NKAIN2: variants seen among roughly 807,000 people sequenced by gnomAD.
The protein encoded by NKAIN2 is sodium/potassium transporting ATPase interacting 2.
Under a neutral mutation model 32.6 loss-of-function variants are expected in NKAIN2, and 14 were observed. That is an observed-to-expected ratio of 0.43 (90% CI 0.28 to 0.67). NKAIN2 has a LOEUF of 0.67. Ranked by LOEUF, NKAIN2 falls within the 30% of genes least tolerant of loss-of-function variation. NKAIN2 has a pLI of 0.17. For synonymous variants in NKAIN2, 80 were observed against 87.2 expected (o/e 0.92, Z 0.46); for missense variants, 198 against 258.3 (o/e 0.77, Z 1.60).
chr6:124,565,280 A>C (rs992802511), intron 3 of NKAIN2, among the ~76,000 whole-genome samples: 1 of 152,232 alleles, frequency 6.6e-6, no homozygotes, highest in African/African-American at 2.4e-5. Context: ...GACAACAACC[A>C]CAATGTCAGT....
intron 2 of NKAIN2, among the ~76,000 whole-genome samples, chr6:124,303,702 A>G (rs2114982943): frequency 6.6e-6 from 1 of 152,340 alleles, no homozygotes; most frequent in Non-Finnish European, 1.5e-5. Flanking sequence ...AAGTTATATG[A>G]TCAGATATAA....
chr6:124,488,769 A>G (rs1024560280), intron 3 of NKAIN2, among the ~76,000 whole-genome samples: 5 of 151,988 alleles, frequency 3.3e-5, no homozygotes, highest in South Asian at 4.1e-4. Flanking sequence ...TAATAAAGCT[A>G]TCATCTTCTT....
chr6:124,676,134 CTA>C (rs1467286504), intron 4 of NKAIN2, among the ~76,000 whole-genome samples: 1 of 151,960 alleles, frequency 6.6e-6, no homozygotes, highest in Admixed American at 6.6e-5. Flanking sequence ...ATGAATTCTC[CTA>C]TGTTTCTTTT....
chr6:124,337,674 C>T (rs1317394363), intron 2 of NKAIN2, among the ~76,000 whole-genome samples: 1 of 152,166 alleles, frequency 6.6e-6, no homozygotes, highest in African/African-American at 2.4e-5. Flanking sequence ...CAGAAGCTCC[C>T]TATAGGTGAC....
intron 3 of NKAIN2, among the ~76,000 whole-genome samples, chr6:124,556,768 T>G (rs1446439049): frequency 2.0e-5 from 3 of 152,310 alleles, no homozygotes; most frequent in South Asian, 4.1e-4. Flanking sequence ...AAACTGAAAT[T>G]TATGTGGTTT....
At chr6:124,247,501 T>A (rs1793471998) in intron 1 of NKAIN2, among the ~76,000 whole-genome samples, 1 of 152,102 alleles carries the variant, frequency 6.6e-6, no homozygotes, top group African/African-American at 2.4e-5. Flanking sequence ...AGTCCTCAGA[T>A]CTATATGATA....
intron 1 of NKAIN2, among the ~76,000 whole-genome samples, chr6:124,238,346 A>G (rs971552046): frequency 2.0e-5 from 3 of 152,146 alleles, no homozygotes; most frequent in Non-Finnish European, 4.4e-5. Flanking sequence ...CATGAAAGCT[A>G]TTTTAATAAA....
intron 3 of NKAIN2, among the ~76,000 whole-genome samples, chr6:124,412,340 A>C (rs1774233894): frequency 6.6e-6 from 1 of 152,126 alleles, no homozygotes; most frequent in Non-Finnish European, 1.5e-5. Flanking sequence ...ATGGTGACGT[A>C]CAGATGGGTT....
intron 2 of NKAIN2, among the ~76,000 whole-genome samples, chr6:124,296,551 A>C (rs1796063737): frequency 6.6e-6 from 1 of 152,170 alleles, no homozygotes; most frequent in Non-Finnish European, 1.5e-5. Flanking sequence ...AGGTATGTAA[A>C]ACTTATATAC....
At chr6:123,922,890 A>G (rs1229592962) in intron 1 of NKAIN2, among the ~76,000 whole-genome samples, 1 of 152,204 alleles carries the variant, frequency 6.6e-6, no homozygotes, top group Non-Finnish European at 1.5e-5. Context: ...CTGTGCTGTC[A>G]TTAGAACTCA....
intron 3 of NKAIN2, among the ~76,000 whole-genome samples, chr6:124,490,217 C>T (rs969147582): frequency 6.6e-6 from 1 of 151,600 alleles, no homozygotes; most frequent in Non-Finnish European, 1.5e-5. Flanking sequence ...TTCCTTGAAA[C>T]ATTCAGGAAA....
At position 124,255,339 on chromosome 6, in the gene NKAIN2, T is replaced by C. The variant is rs866812355; in HGVS notation, c.55-27666T>C. The stretch of plus-strand genomic sequence containing the variant: ...GTGCTCATATACCAGAATTTGTGAA[T>C]CTTTCATATTCTGCTAAGAATAAAA... On this transcript the variant is annotated intron_variant, in intron 1 of 6. Coordinates refer to ENST00000368417, the MANE Select transcript of NKAIN2 (RefSeq NM_001040214.3). Among the ~76,000 whole-genome samples, 10 of 152,326 alleles carry C rather than the reference T, an allele frequency of 6.6e-5. No homozygotes were observed. The South Asian group carries it at 1.0e-3, about 16-fold the overall frequency.
At chr6:124,141,480 C>T (rs1350483842) in intron 1 of NKAIN2, among the ~76,000 whole-genome samples, 1 of 151,700 alleles carries the variant, frequency 6.6e-6, no homozygotes, top group Non-Finnish European at 1.5e-5. Context: ...CGTTTTTCCT[C>T]TGTGGAGGAA....
chr6:124,452,704 G>A (rs1017947976), intron 3 of NKAIN2, among the ~76,000 whole-genome samples: 2 of 152,058 alleles, frequency 1.3e-5, no homozygotes, highest in African/African-American at 4.8e-5. Flanking sequence ...ATTTATGTTG[G>A]TCAAGTTCAT....
chr6:124,781,851 C>T (rs1021054560), intron 4 of NKAIN2, among the ~76,000 whole-genome samples: 53 of 152,186 alleles, frequency 3.5e-4, no homozygotes, highest in African/African-American at 1.3e-3. Flanking sequence ...TTTTAAGTGA[C>T]ACTTCGATTC....
intron 1 of NKAIN2, among the ~76,000 whole-genome samples, chr6:123,907,862 C>G (rs1341625149): frequency 3.2e-4 from 49 of 152,134 alleles, no homozygotes; most frequent in Admixed American, 3.2e-3. Flanking sequence ...AACACAGCTA[C>G]ATATGTTTGT....
At chr6:123,938,048 G>A (rs919822036) in intron 1 of NKAIN2, among the ~76,000 whole-genome samples, 6 of 85,454 alleles carry the variant, frequency 7.0e-5, no homozygotes, top group African/African-American at 1.5e-4. Context: ...TTGCTGAACC[G>A]CTGATAGCAG....
chr6:124,716,325 G>A (rs1775753152), intron 4 of NKAIN2, among the ~76,000 whole-genome samples: 1 of 152,114 alleles, frequency 6.6e-6, no homozygotes, highest in African/African-American at 2.4e-5. Context: ...CCCTCTATGG[G>A]AACACCCATG....
chr6:124,308,692 C>T (rs527585754), intron 2 of NKAIN2, among the ~76,000 whole-genome samples: 3 of 152,248 alleles, frequency 2.0e-5, no homozygotes, highest in East Asian at 1.9e-4. Flanking sequence ...TAAGTATATT[C>T]ACCCATTTTA....
Sources: allele counts gnomAD v4.1 joint callset (sites outside exome capture counted in the v4.1 genomes callset), GRCh38; gene constraint gnomAD v4.1.1; transcripts MANE v1.5; gene names NCBI Gene and HGNC (gene_info 2026-07-23, HGNC 2026-07-21).